SLC14A2: variants seen among roughly 807,000 people sequenced by gnomAD.
SLC14A2 encodes the protein urea transporter 2.
Under a neutral mutation model 104.6 loss-of-function variants are expected in SLC14A2, and 91 were observed. The ratio of observed to expected loss-of-function variants is 0.87; its 90% CI spans 0.73 to 1.04. The LOEUF (loss-of-function observed/expected upper bound fraction) is 1.04, where lower values mean the gene tolerates loss of function less well. Among genes scored for constraint, SLC14A2 ranks in the 50% least tolerant of loss-of-function variants. The pLI is 0.00. For synonymous variants in SLC14A2, 476 were observed against 466.4 expected, an observed-to-expected ratio of 1.02 and a Z score of -0.27; for missense variants, 1,189 against 1,156.0, an observed-to-expected ratio of 1.03 and a Z score of -0.41.
intron 1 of SLC14A2, among the ~76,000 whole-genome samples, chr18:45,223,747 G>A (rs1445440721): frequency 6.6e-6 from 1 of 152,326 alleles, no homozygotes; most frequent in East Asian, 1.9e-4. Flanking sequence ...CTGAGGTCCA[G>A]AGGCAGGAGA....
At chr18:45,414,544 C>A (rs1365974858) in intron 1 of SLC14A2, among the ~76,000 whole-genome samples, 1 of 151,026 alleles carries the variant, frequency 6.6e-6, no homozygotes, top group Non-Finnish European at 1.5e-5. Context: ...TATTTTGGTA[C>A]GTGTATACCT....
the SLC14A2 span, among the ~76,000 whole-genome samples, chr18:45,176,311 C>G: frequency 1.3e-5 from 2 of 152,160 alleles, no homozygotes; most frequent in African/African-American, 4.8e-5. Flanking sequence ...AGAAAACTTG[C>G]TCAAGTCTCC....
chr18:45,211,980 G>A (rs965455063), upstream of SLC14A2, among the ~76,000 whole-genome samples: 6 of 151,882 alleles, frequency 4.0e-5, no homozygotes, highest in African/African-American at 1.5e-4. Flanking sequence ...GTATACATGT[G>A]GATTTGATAT....
intron 1 of SLC14A2, among the ~76,000 whole-genome samples, chr18:45,477,365 AG>A (rs113782852): frequency 2.4e-4 from 36 of 152,178 alleles, no homozygotes; most frequent in African/African-American, 8.2e-4. Flanking sequence ...GCTTTGTCCC[AG>A]GGGGGTACCC....
chr18:45,311,398 G>GTA (rs2085077567), intron 1 of SLC14A2, among the ~76,000 whole-genome samples: 1 of 152,160 alleles, frequency 6.6e-6, no homozygotes, highest in Non-Finnish European at 1.5e-5. Flanking sequence ...CACTTATAGA[G>GTA]GAGGGAACTG....
rs568992558 is a variant in SLC14A2, at chr18:45,669,203, G to T, written c.2037-103G>T. 5.5e-6 allele frequency: 5 copies of T among 903,430 alleles called. No individual in the cohort carries two copies. The East Asian group carries it at 1.0e-4, about 19-fold the overall frequency. 56.0% of individuals were successfully genotyped at this position (903,430 alleles called of 1,614,324 possible). A position where few individuals can be genotyped will look rare whatever the true frequency, so the allele number is the denominator to read the frequency against. On this transcript the variant is annotated intron_variant, in intron 15 of 19. Coordinates refer to ENST00000255226, the MANE Select transcript of SLC14A2 (RefSeq NM_007163.4). ...TCAGGCTCCAGAGAATACCCAGCAG[G>T]CTGCTTTTCTCTAGGAAGGCACAGG...
intron 4 of SLC14A2, among the ~76,000 whole-genome samples, chr18:45,631,525 C>T (rs1275633616): frequency 6.6e-6 from 1 of 152,250 alleles, no homozygotes; most frequent in Non-Finnish European, 1.5e-5. Flanking sequence ...CTGGGCTGCT[C>T]CTCACCAAGG....
chr18:45,370,960 A>C (rs1405534751), intron 1 of SLC14A2, among the ~76,000 whole-genome samples: 1 of 152,162 alleles, frequency 6.6e-6, no homozygotes, highest in African/African-American at 2.4e-5. Context: ...GTCTCAGGGA[A>C]ATGTCAGCGT....
chr18:45,639,883 G>A lies in SLC14A2; in HGVS notation c.981G>A (p.Gly327=). 1 of 1,613,208 alleles carries A rather than the reference G, an allele frequency of 6.2e-7. No homozygotes were observed. Among genetic ancestry groups the A allele is most frequent in the East Asian group, 2.2e-5 (1 of 44,860 alleles). Residue 327 remains glycine (G), a synonymous_variant, in exon 7 of 20, where the codon GGG becomes GGA. Transcript: ENST00000255226. Reference sequence around the variant, plus strand: ...ATGCAGCCATTGGCTCAATCGTGGGGCTGCTAGCAGGTAGGACAGAGCTCC... The same window carrying A: ...ATGCAGCCATTGGCTCAATCGTGGGACTGCTAGCAGGTAGGACAGAGCTCC... The part of the protein sequence containing the change: ...CLHAAIGSIV[G]LLAALSVATP...
chr18:45,605,534 TAAG>T (rs2044854626), intron 2 of SLC14A2, among the ~76,000 whole-genome samples: 1 of 152,132 alleles, frequency 6.6e-6, no homozygotes, highest in African/African-American at 2.4e-5. Flanking sequence ...CTGATTGCGG[TAAG>T]AAGAATGGAC....
chr18:45,421,298 C>T (rs1861900), intron 1 of SLC14A2, among the ~76,000 whole-genome samples: 24,238 of 151,226 alleles, frequency 0.16, 2,828 homozygotes, highest in African/African-American at 0.3. Flanking sequence ...TGGCTCTTTC[C>T]AAAGCAATCA....
chr18:45,198,412 G>C, the SLC14A2 span, among the ~76,000 whole-genome samples: 1 of 151,722 alleles, frequency 6.6e-6, no homozygotes, highest in Non-Finnish European at 1.5e-5. Flanking sequence ...GCATCTAGTT[G>C]GTCACATTTA....
chr18:45,210,565 T>C (rs2083953182), upstream of SLC14A2, among the ~76,000 whole-genome samples: 1 of 152,192 alleles, frequency 6.6e-6, no homozygotes, highest in Admixed American at 6.5e-5. Context: ...GGCAAGAGCG[T>C]AATGCTGTTT....
At chr18:45,215,227 A>T (rs2083999599) in intron 1 of SLC14A2, among the ~76,000 whole-genome samples, 1 of 152,240 alleles carries the variant, frequency 6.6e-6, no homozygotes, top group Non-Finnish European at 1.5e-5. Flanking sequence ...ATTAAGAATC[A>T]ATATTCACCT....
chr18:45,493,745 T>C (rs1208418835), intron 2 of SLC14A2, among the ~76,000 whole-genome samples: 1 of 152,264 alleles, frequency 6.6e-6, no homozygotes, highest in Non-Finnish European at 1.5e-5. Flanking sequence ...AGTTATGGAT[T>C]CTGGACATGT....
chr18:45,436,965 G>A (rs1314085452), intron 1 of SLC14A2, among the ~76,000 whole-genome samples: 3 of 152,154 alleles, frequency 2.0e-5, no homozygotes, highest in Admixed American at 6.5e-5. Context: ...CCCAAAGCAT[G>A]TTGGTCCTCC....
chr18:45,395,715 C>T (rs1381345591), intron 1 of SLC14A2, among the ~76,000 whole-genome samples: 1 of 152,116 alleles, frequency 6.6e-6, no homozygotes, highest in African/African-American at 2.4e-5. Flanking sequence ...CAGAGCCCTG[C>T]CCTTACTGTA....
intron 2 of SLC14A2, chr18:45,529,245 GC>G (rs1170640548): frequency 2.6e-5 from 4 of 152,178 alleles, no homozygotes; most frequent in African/African-American, 9.7e-5. Context: ...AGTCAAAACA[GC>G]TATTTAACCT....
intron 2 of SLC14A2, among the ~76,000 whole-genome samples, chr18:45,516,967 A>G (rs2043449866): frequency 2.0e-5 from 3 of 152,224 alleles, no homozygotes; most frequent in Admixed American, 2.0e-4. Context: ...GGAAGAGAAG[A>G]GAAAGCACTG....
Sources: allele counts gnomAD v4.1 joint callset (sites outside exome capture counted in the v4.1 genomes callset), GRCh38; gene constraint gnomAD v4.1.1; transcripts MANE v1.5; gene names NCBI Gene and HGNC (gene_info 2026-07-23, HGNC 2026-07-21).